MAGI1: variants seen among roughly 807,000 people sequenced by gnomAD.
MAGI1 encodes membrane associated guanylate kinase, WW and PDZ domain containing 1.
Under a neutral mutation model 139.9 loss-of-function variants are expected in MAGI1, and 58 were observed. The ratio of observed to expected loss-of-function variants is 0.41; its 90% CI spans 0.34 to 0.52. MAGI1 has a LOEUF of 0.52. Ranked by LOEUF, MAGI1 falls within the 20% of genes least tolerant of loss-of-function variation. The pLI is 0.12. For synonymous variants in MAGI1, 812 were observed against 737.9 expected, an observed-to-expected ratio of 1.10 and a Z score of -1.63; for missense variants, 1,874 against 1,901.6, an observed-to-expected ratio of 0.99 and a Z score of 0.27.
intron 1 of MAGI1, among the ~76,000 whole-genome samples, chr3:65,766,849 A>G (rs1459824867): frequency 2.6e-5 from 4 of 152,134 alleles, no homozygotes; most frequent in Non-Finnish European, 5.9e-5. Flanking sequence ...AGATCACACC[A>G]CCGCACTCCA....
rs2088720736 is a variant in MAGI1 at position 65,692,110 on chromosome 3, T to TA, written c.314-70023_314-70022insT. 3.3e-5 allele frequency among the ~76,000 whole-genome samples: 5 copies of TA among 152,084 alleles called. No homozygotes were observed. The South Asian group carries it at 6.2e-4, about 19-fold the overall frequency. Reference sequence around the variant, plus strand: ...AAGTATAGGTATATAAGACCTTTTTTTAAAAAAAAAATGTGATCTGGACAT... The same window carrying TA: ...AAGTATAGGTATATAAGACCTTTTTTATAAAAAAAAAATGTGATCTGGACAT... On this transcript the variant is annotated intron_variant, in intron 1 of 22. Transcript: ENST00000402939.
chr3:65,872,576 A>G (rs1367275105), intron 1 of MAGI1, among the ~76,000 whole-genome samples: 1 of 152,234 alleles, frequency 6.6e-6, no homozygotes, highest in Non-Finnish European at 1.5e-5. Context: ...AGCCAAACAA[A>G]TGAAAGAAAG....
chr3:65,590,194 T>C (rs73132738), intron 2 of MAGI1, among the ~76,000 whole-genome samples: 2,093 of 152,274 alleles, frequency 0.014, 22 homozygotes, highest in Middle Eastern at 0.031. Flanking sequence ...CCCAGCACCT[T>C]GACATACTTC....
At chr3:65,589,072 T>G (rs1298385219) in intron 2 of MAGI1, among the ~76,000 whole-genome samples, 2 of 152,088 alleles carry the variant, frequency 1.3e-5, no homozygotes, top group African/African-American at 4.8e-5. Context: ...AGAGCAGGGA[T>G]AGGTCAGAGT....
intron 1 of MAGI1, among the ~76,000 whole-genome samples, chr3:65,648,405 C>T (rs1384648578): frequency 6.6e-6 from 1 of 152,118 alleles, no homozygotes; most frequent in Admixed American, 6.5e-5. Flanking sequence ...CTGCCTCAGC[C>T]TCCCAAAGTG....
intron 1 of MAGI1, among the ~76,000 whole-genome samples, chr3:65,662,334 C>A (rs2086246271): frequency 6.6e-6 from 1 of 152,196 alleles, no homozygotes; most frequent in African/African-American, 2.4e-5. Context: ...AATTAGGGAG[C>A]AGCAAACTTT....
At chr3:65,943,336 G>A (rs1173271291) in intron 1 of MAGI1, among the ~76,000 whole-genome samples, 6 of 152,104 alleles carry the variant, frequency 3.9e-5, no homozygotes, top group Non-Finnish European at 8.8e-5. Flanking sequence ...AGCACTTTGG[G>A]AGGCCAAGGT....
At chr3:65,472,110 G>C (rs528023546) in intron 4 of MAGI1, among the ~76,000 whole-genome samples, 1 of 152,282 alleles carries the variant, frequency 6.6e-6, no homozygotes, top group East Asian at 1.9e-4. Context: ...GCACCCAAGA[G>C]TGCAGATTAA....
In MAGI1 at chr3:65,356,187, G is replaced by T; in HGVS notation, c.*191C>A. On this transcript the variant is annotated 3_prime_UTR_variant, in exon 23 of 23. Coordinates refer to ENST00000402939, the MANE Select transcript of MAGI1 (RefSeq NM_001033057.2). ...CATTTAAAAATACTTTCTTTAATATGATACATCAGGCACAATACTTTTCAT... is the reference window on the plus strand; with the variant it reads ...CATTTAAAAATACTTTCTTTAATATTATACATCAGGCACAATACTTTTCAT... The T allele has an allele frequency of 2.0e-6, 1 of 489,644 alleles. No individual in the cohort carries two copies. The highest frequency in any genetic ancestry group is 3.4e-6 in the Non-Finnish European group (1 of 297,316). 30.3% of individuals were successfully genotyped at this position (489,644 alleles called of 1,614,324 possible).
intron 2 of MAGI1, among the ~76,000 whole-genome samples, chr3:65,501,768 C>G (rs1454161764): frequency 6.6e-6 from 1 of 152,152 alleles, no homozygotes; most frequent in Non-Finnish European, 1.5e-5. Flanking sequence ...TTTAGAAGAG[C>G]TTTATGCATA....
At chr3:65,594,445 C>CA (rs1456560381) in intron 2 of MAGI1, among the ~76,000 whole-genome samples, 2 of 152,222 alleles carry the variant, frequency 1.3e-5, no homozygotes, top group Non-Finnish European at 2.9e-5. Flanking sequence ...AGCATCTTTA[C>CA]ATTTTTAGTG....
chr3:65,974,359 A>G (rs9870852), intron 1 of MAGI1, among the ~76,000 whole-genome samples: 117,201 of 120,396 alleles, frequency 0.97, 57,024 homozygotes, highest in South Asian at 1. Flanking sequence ...GAGTGGATGG[A>G]TGGATGGGTG....
At chr3:65,866,514 C>T (rs566108507) in intron 1 of MAGI1, among the ~76,000 whole-genome samples, 2 of 152,162 alleles carry the variant, frequency 1.3e-5, no homozygotes, top group East Asian at 1.9e-4. Flanking sequence ...TTCATAATCC[C>T]TCCCACCCAA....
rs1234976130 is a variant in MAGI1 at position 65,696,694 on chromosome 3, A to G, written c.314-74606T>C. Among the ~76,000 whole-genome samples the G allele has an allele frequency of 3.3e-5, 5 of 152,166 alleles. No homozygotes were observed. The East Asian group carries it at 9.6e-4, about 29-fold the overall frequency. On this transcript the variant is annotated intron_variant, in intron 1 of 22. Coordinates refer to ENST00000402939, the MANE Select transcript of MAGI1 (RefSeq NM_001033057.2). ...TGGCAATACAATAAAATAAAATAAA[A>G]TATACATTTGGATTCTCAACAAAAA... is the stretch of plus-strand genomic sequence containing the variant.
intron 1 of MAGI1, among the ~76,000 whole-genome samples, chr3:65,997,971 C>T (rs2066543301): frequency 6.6e-6 from 1 of 151,792 alleles, no homozygotes; most frequent in Non-Finnish European, 1.5e-5. Flanking sequence ...CCAGCCTGAC[C>T]AACAGGGGGA....
At chr3:65,617,250 C>T (rs912008903) in intron 2 of MAGI1, among the ~76,000 whole-genome samples, 2 of 152,172 alleles carry the variant, frequency 1.3e-5, no homozygotes, top group African/African-American at 4.8e-5. Context: ...CTGACTTATC[C>T]TTTCCTCTTT....
intron 6 of MAGI1, among the ~76,000 whole-genome samples, chr3:65,449,144 G>A (rs1055583234): frequency 3.4e-5 from 5 of 149,040 alleles, no homozygotes; most frequent in Non-Finnish European, 7.4e-5. Context: ...GGAGGGAGGA[G>A]GGATAGCATT....
intron 1 of MAGI1, among the ~76,000 whole-genome samples, chr3:65,633,332 C>A (rs1158849474): frequency 6.6e-6 from 1 of 152,040 alleles, no homozygotes; most frequent in African/African-American, 2.4e-5. Flanking sequence ...GACTATTGTT[C>A]TTTTAGTCAT....
intron 2 of MAGI1, among the ~76,000 whole-genome samples, chr3:65,614,903 TC>T (rs1342688290): frequency 6.6e-6 from 1 of 151,824 alleles, no homozygotes; most frequent in African/African-American, 2.4e-5. Flanking sequence ...GTGTCTGTAG[TC>T]CCAGCTACTC....
Sources: allele counts gnomAD v4.1 joint callset (sites outside exome capture counted in the v4.1 genomes callset), GRCh38; gene constraint gnomAD v4.1.1; transcripts MANE v1.5; gene names NCBI Gene and HGNC (gene_info 2026-07-23, HGNC 2026-07-21).